DYNC1LI2: variants seen among roughly 807,000 people sequenced by gnomAD.
DYNC1LI2 encodes dynein cytoplasmic 1 light intermediate chain 2, also known as cytoplasmic dynein 1 light intermediate chain 2.
DYNC1LI2 carries 19 observed loss-of-function variants against 57.8 expected under a neutral mutation model. The observed-to-expected ratio is 0.33, with a 90% CI of 0.23 to 0.48. The LOEUF is 0.48. Among genes scored for constraint, DYNC1LI2 ranks in the 20% least tolerant of loss-of-function variants. DYNC1LI2 has a pLI of 0.99. For missense variants in DYNC1LI2, 470 were observed against 604.2 expected, an observed-to-expected ratio of 0.78 and a Z score of 2.33; for synonymous variants, 256 against 233.4, an observed-to-expected ratio of 1.10 and a Z score of -0.88.
Position 66,721,126 on chromosome 16 carries a change from T to C in DYNC1LI2, c.*2596A>G, listed in dbSNP as rs917840857. 2 of 152,610 alleles carry C rather than the reference T, an allele frequency of 1.3e-5. No individual in the cohort carries two copies. Among genetic ancestry groups the C allele is most frequent in the African/African-American group, 4.8e-5 (2 of 41,448 alleles). The allele number at this position is 152,610 out of a possible 1,614,324, so 9.5% of individuals were successfully genotyped here. On this transcript the variant is annotated 3_prime_UTR_variant, in exon 13 of 13. Transcript: ENST00000258198. Reference sequence around the variant, plus strand: ...ACTTACAGCATTAACATTGTTAAGGTCATGATGTACAGAGCAGTCACTTTC... The same window carrying C: ...ACTTACAGCATTAACATTGTTAAGGCCATGATGTACAGAGCAGTCACTTTC...
At chr16:66,741,267 A>G (rs2017830881) in intron 4 of DYNC1LI2, among the ~76,000 whole-genome samples, 1 of 152,204 alleles carries the variant, frequency 6.6e-6, no homozygotes, top group Non-Finnish European at 1.5e-5. Context: ...GCAGGTCTTC[A>G]GACTCAGAAC....
At chr16:66,734,528 G>A (rs1048124642) in intron 5 of DYNC1LI2, among the ~76,000 whole-genome samples, 4 of 151,688 alleles carry the variant, frequency 2.6e-5, no homozygotes, top group African/African-American at 9.7e-5. Flanking sequence ...GATGTAATAG[G>A]CCTGATCACC....
intron 8 of DYNC1LI2, among the ~76,000 whole-genome samples, chr16:66,729,571 G>GTTTT (rs11310483): frequency 1.1e-4 from 10 of 93,694 alleles, no homozygotes; most frequent in Non-Finnish European, 1.6e-4. Context: ...TTTCTTTATA[G>GTTTT]TTTTTTTTTT....
At chr16:66,742,883 G>A (rs1433692478) in intron 3 of DYNC1LI2, among the ~76,000 whole-genome samples, 1 of 152,204 alleles carries the variant, frequency 6.6e-6, no homozygotes, top group African/African-American at 2.4e-5. Context: ...TAGGGTCCAG[G>A]CATGGTGGCT....
rs80335537 is a variant in DYNC1LI2 at position 66,723,584 on chromosome 16, G to GTTT, written c.*135_*137dup. ...TTTCACACTCGGACAAGCCAATGAA[G>GTTT]TTTTTTTTTTTTTTTTAAAGTTCAT... On this transcript the variant is annotated 3_prime_UTR_variant, in exon 13 of 13. Transcript: ENST00000258198. 5.7e-4 allele frequency: 333 copies of GTTT among 583,012 alleles called. No individual in the cohort carries two copies. The highest frequency in any genetic ancestry group is 9.5e-4 in the Middle Eastern group (3 of 3,150). The allele number at this position is 583,012 out of a possible 1,614,324, so 36.1% of individuals were successfully genotyped here. A position where few individuals can be genotyped will look rare whatever the true frequency, so the allele number is the denominator to read the frequency against.
chr16:66,742,291 T>C (rs1421450429), intron 4 of DYNC1LI2, 147 bp downstream of exon 4: 17 of 756,912 alleles, frequency 2.2e-5, no homozygotes, highest in Admixed American at 2.9e-5. Flanking sequence ...GACTACTGAG[T>C]TTACAAGAGG....
chr16:66,744,386 C>A (rs1297560052), intron 3 of DYNC1LI2, among the ~76,000 whole-genome samples: 1 of 152,180 alleles, frequency 6.6e-6, no homozygotes. Context: ...GTGACAAGTA[C>A]ACTGTGGTTC....
chr16:66,724,046 G>A (rs1366010207), intron 12 of DYNC1LI2, among the ~76,000 whole-genome samples: 1 of 152,168 alleles, frequency 6.6e-6, no homozygotes, highest in African/African-American at 2.4e-5. Flanking sequence ...CTCCAAGGGA[G>A]TGACTTGACT....
Position 66,751,274 on chromosome 16 carries a change from G to A in DYNC1LI2, c.180C>T (p.Phe60=). 1 of 1,611,204 alleles carries A rather than the reference G, an allele frequency of 6.2e-7. No individual in the cohort carries two copies. The highest frequency in any genetic ancestry group is 1.1e-5 in the South Asian group (1 of 90,794). Residue 60 remains phenylalanine, a splice_region_variant and synonymous_variant, in exon 2 of 13, where the codon TTC becomes TTT. Coordinates refer to ENST00000258198, the MANE Select transcript of DYNC1LI2 (RefSeq NM_006141.3). This position sits in a 1 kb window ranked among gnomAD's most constrained non-coding sequence, Gnocchi z 5.2. ...KLPSGKNILV[F]GEDGSGKTTL... ...CAACGCCCCGCCGCCGGCGCTCACC[G>A]AAGACCAGGATGTTCTTGCCGGACG...
In DYNC1LI2 at chr16:66,726,397, C is replaced by A. The variant is rs961660142; in HGVS notation, c.1262-453G>T. Reference sequence around the variant, plus strand: ...CTACTTAATCTGAAAAGTAATTGAGCTTGACAAGAGAAGTGAAGGGGGAAA... The same window carrying A: ...CTACTTAATCTGAAAAGTAATTGAGATTGACAAGAGAAGTGAAGGGGGAAA... On this transcript the variant is annotated intron_variant, in intron 11 of 12. Transcript: ENST00000258198. Among the ~76,000 whole-genome samples, 52 of 152,218 alleles carry A rather than the reference C, an allele frequency of 3.4e-4. 1 individual carries two copies. The highest frequency in any genetic ancestry group is 5.9e-5 in the Non-Finnish European group (4 of 68,042).
chr16:66,745,601 T>A (rs1255534143), intron 3 of DYNC1LI2, among the ~76,000 whole-genome samples: 1 of 150,050 alleles, frequency 6.7e-6, no homozygotes, highest in Admixed American at 6.6e-5. Context: ...TTCAATAAAT[T>A]CCAACATATA....
chr16:66,749,386 T>C, intron 2 of DYNC1LI2, 73 bp from the exon 3 acceptor site: 2 of 1,393,128 alleles, frequency 1.4e-6, no homozygotes, highest in East Asian at 2.3e-5. Context: ...GACACTCACA[T>C]GACACGGAGA....
At chr16:66,749,411 T>C in intron 2 of DYNC1LI2, 98 bp from the exon 3 acceptor site, 2 of 1,188,342 alleles carry the variant, frequency 1.7e-6, no homozygotes, top group Non-Finnish European at 2.5e-6. Context: ...AAGAATTTCA[T>C]GCAAAGTCTG....
intron 4 of DYNC1LI2, among the ~76,000 whole-genome samples, chr16:66,737,123 A>T (rs892518263): frequency 3.9e-5 from 6 of 152,124 alleles, no homozygotes; most frequent in African/African-American, 1.4e-4. Flanking sequence ...AAATGCAAAA[A>T]TTAGCTAAGG....
intron 4 of DYNC1LI2, among the ~76,000 whole-genome samples, chr16:66,737,637 T>C (rs1172830203): frequency 6.6e-6 from 1 of 152,246 alleles, no homozygotes; most frequent in East Asian, 1.9e-4. Context: ...CTCACTCTTG[T>C]GGACTCAGTC....
chr16:66,739,488 C>CT (rs2017798761), intron 4 of DYNC1LI2, among the ~76,000 whole-genome samples: 1 of 152,184 alleles, frequency 6.6e-6, no homozygotes, highest in Admixed American at 6.5e-5. Flanking sequence ...GTTGCCCAGG[C>CT]TGCGGGGCAG....
At chr16:66,741,897 C>CAAAAAAAAAAA (rs66527903) in intron 4 of DYNC1LI2, among the ~76,000 whole-genome samples, 1 of 106,848 alleles carries the variant, frequency 9.4e-6, no homozygotes, top group Non-Finnish European at 1.9e-5. Context: ...ATGTTAATTA[C>CAAAAAAAAAAA]AAAAAAAAAA....
At chr16:66,742,065 C>T (rs1363297867) in intron 4 of DYNC1LI2, among the ~76,000 whole-genome samples, 1 of 152,162 alleles carries the variant, frequency 6.6e-6, no homozygotes, top group Non-Finnish European at 1.5e-5. Context: ...GGGCAGTAAA[C>T]TCAAGCTGCA....
Position 66,742,543 on chromosome 16 carries a change from G to C in DYNC1LI2, c.424C>G (p.Pro142Ala). 6.2e-7 allele frequency: 1 copy of C among 1,614,152 alleles called. No individual in the cohort carries two copies. The highest frequency in any genetic ancestry group is 8.5e-7 in the Non-Finnish European group (1 of 1,180,042). Residue 142 changes from proline (P) to alanine (A), a missense_variant, in exon 4 of 13, where the codon CCT (proline) becomes GCT (alanine). By Grantham distance (27) the Pro-to-Ala change is conservative. Coordinates refer to ENST00000258198, the MANE Select transcript of DYNC1LI2 (RefSeq NM_006141.3). ...TGCAGAGATTCCATCACAGTCCAAG[G>C]TCTAGACATGTCTGCAACAAAAATG... is the stretch of plus-strand genomic sequence containing the variant. The part of the protein sequence containing the change: ...LVIFVADMSR[P>A]WTVMESLQKW...
Sources: allele counts gnomAD v4.1 joint callset (sites outside exome capture counted in the v4.1 genomes callset), GRCh38; gene constraint gnomAD v4.1.1; non-coding constraint Gnocchi (gnomAD v3.1); transcripts MANE v1.5; gene names NCBI Gene and HGNC (gene_info 2026-07-23, HGNC 2026-07-21).